Variants in FSTL4 observed in about 807,000 individuals in gnomAD.
FSTL4 encodes the protein follistatin-related protein 4.
In FSTL4, 28 loss-of-function variants were observed where a neutral mutation model predicts 78.2. The observed-to-expected ratio is 0.36, with a 90% CI of 0.27 to 0.49. The LOEUF is 0.49. Among genes scored for constraint, FSTL4 ranks in the 20% least tolerant of loss-of-function variants. The pLI, the probability that FSTL4 is intolerant of heterozygous loss-of-function variation, is 0.98. For missense variants in FSTL4, 922 were observed against 1,084.9 expected (o/e 0.85, Z 2.11); for synonymous variants, 422 against 440.5 (o/e 0.96, Z 0.53).
At chr5:133,200,793 T>C (rs2126758665) in intron 15 of FSTL4, among the ~76,000 whole-genome samples, 1 of 152,312 alleles carries the variant, frequency 6.6e-6, no homozygotes, top group East Asian at 1.9e-4. Flanking sequence ...CTAGAAAAAC[T>C]GTACCCCAGA....
chr5:133,201,833 G>A (rs1021307651), intron 15 of FSTL4, 100 bp downstream of exon 15: 26 of 659,820 alleles, frequency 3.9e-5, no homozygotes, highest in Admixed American at 2.4e-5. Flanking sequence ...GGGAGTGGAG[G>A]AGACAGAGAA....
chr5:133,701,204 A>C, the FSTL4 span, among the ~76,000 whole-genome samples: 1 of 152,026 alleles, frequency 6.6e-6, no homozygotes, highest in South Asian at 2.1e-4. Context: ...GGAGTTCAAC[A>C]GCAGCCTTGC....
At chr5:133,652,098 T>C in the FSTL4 span, among the ~76,000 whole-genome samples, 1 of 152,108 alleles carries the variant, frequency 6.6e-6, no homozygotes, top group South Asian at 2.1e-4. Context: ...TCTATAGTAA[T>C]GTCCCCTCTT....
the FSTL4 span, among the ~76,000 whole-genome samples, chr5:133,623,483 A>T: frequency 3.3e-5 from 5 of 151,986 alleles, no homozygotes; most frequent in African/African-American, 9.7e-5. Context: ...CCTCACACCA[A>T]ATTCAAAAAC....
At chr5:133,240,031 C>T (rs549963212) in intron 7 of FSTL4, among the ~76,000 whole-genome samples, 17 of 152,330 alleles carry the variant, frequency 1.1e-4, no homozygotes, top group East Asian at 3.9e-4. Flanking sequence ...AAGCTTTGTT[C>T]TTTTGCTCTT....
At chr5:133,691,512 G>A in the FSTL4 span, among the ~76,000 whole-genome samples, 4,151 of 152,150 alleles carry the variant, frequency 0.027, 185 homozygotes, top group African/African-American at 0.094. Context: ...ACTTGAAGGC[G>A]TGGACCTCCC....
At chr5:133,382,111 T>G (rs942330611) in intron 4 of FSTL4, among the ~76,000 whole-genome samples, 1 of 152,216 alleles carries the variant, frequency 6.6e-6, no homozygotes, top group Non-Finnish European at 1.5e-5. Context: ...TCTGCCCAGA[T>G]ACCCCCTGAA....
At chr5:133,609,987 G>A (rs1761056812) in intron 1 of FSTL4, among the ~76,000 whole-genome samples, 1 of 152,222 alleles carries the variant, frequency 6.6e-6, no homozygotes, top group African/African-American at 2.4e-5. Context: ...GGTTGAGTTT[G>A]CAGAGAAACA....
intron 3 of FSTL4, among the ~76,000 whole-genome samples, chr5:133,438,121 T>C (rs561313911): frequency 2.5e-3 from 376 of 152,360 alleles, no homozygotes; most frequent in Non-Finnish European, 4.3e-3. Context: ...CTTGAAGTAC[T>C]TCTTTTAAAA....
intron 3 of FSTL4, among the ~76,000 whole-genome samples, chr5:133,521,176 G>T (rs1431137936): frequency 6.6e-6 from 1 of 152,106 alleles, no homozygotes; most frequent in African/African-American, 2.4e-5. Context: ...GGGAAAACAT[G>T]TCTCCACTTA....
chr5:133,718,168 C>T, the FSTL4 span, among the ~76,000 whole-genome samples: 2 of 152,016 alleles, frequency 1.3e-5, no homozygotes, highest in African/African-American at 4.8e-5. Context: ...TCTTGGCTCA[C>T]TACAACCTCC....
the FSTL4 span, among the ~76,000 whole-genome samples, chr5:133,753,752 G>C: frequency 2.0e-5 from 3 of 148,126 alleles, no homozygotes; most frequent in African/African-American, 7.4e-5. Flanking sequence ...GTCTGGCCCA[G>C]ACATTCTGTG....
rs1298203200 is a variant in FSTL4, at chr5:133,395,182, C to T, written c.409+5556G>A. Among the ~76,000 whole-genome samples the T allele has an allele frequency of 5.9e-5, 9 of 152,226 alleles. No individual in the cohort carries two copies. In the East Asian group the frequency reaches 1.6e-3, roughly 26 times the overall value. On this transcript the variant is annotated intron_variant, in intron 4 of 15. Transcript: ENST00000265342. ...AGCCAGCAGTGGCAACCTGGGTCCC[C>T]TTCCACCCCGTGGAAGCTTTGTTCT... is the stretch of plus-strand genomic sequence containing the variant.
chr5:133,753,695 G>GTA, the FSTL4 span, among the ~76,000 whole-genome samples: 1 of 57,298 alleles, frequency 1.7e-5, no homozygotes, highest in Non-Finnish European at 4.1e-5. Flanking sequence ...GTGTGTGTGT[G>GTA]TGTGTGTGTG....
chr5:133,831,241 T>TC, the FSTL4 span, among the ~76,000 whole-genome samples: 1 of 152,094 alleles, frequency 6.6e-6, no homozygotes, highest in Non-Finnish European at 1.5e-5. Context: ...TAGCCCCTGG[T>TC]CCAACCTCTC....
At chr5:133,397,588 T>A (rs1280772456) in intron 4 of FSTL4, among the ~76,000 whole-genome samples, 3 of 152,232 alleles carry the variant, frequency 2.0e-5, no homozygotes, top group Non-Finnish European at 4.4e-5. Flanking sequence ...CTCTTCTCCC[T>A]TGCAGGGTGG....
the FSTL4 span, among the ~76,000 whole-genome samples, chr5:133,767,679 G>A: frequency 1.3e-5 from 2 of 152,250 alleles, no homozygotes; most frequent in South Asian, 2.1e-4. Context: ...TGAGAATGGG[G>A]GCCAGAACCA....
At chr5:133,763,602 C>G in the FSTL4 span, among the ~76,000 whole-genome samples, 4 of 152,190 alleles carry the variant, frequency 2.6e-5, no homozygotes, top group Non-Finnish European at 4.4e-5. Context: ...CAGCAGGATC[C>G]CATCCAGCAC....
At chr5:133,769,796 A>C in the FSTL4 span, among the ~76,000 whole-genome samples, 3 of 152,182 alleles carry the variant, frequency 2.0e-5, no homozygotes, top group Non-Finnish European at 4.4e-5. Context: ...TAGTGTACCC[A>C]TCACCTGAAT....
Sources: gnomAD v4.1 joint callset for allele counts (sites outside exome capture counted in the v4.1 genomes callset) on GRCh38, gnomAD v4.1.1 for gene constraint, MANE v1.5 for transcripts, NCBI Gene and HGNC (gene_info 2026-07-23, HGNC 2026-07-21) for gene names.